The following PRPF40B variants were observed in gnomAD, a reference collection of about 807,000 sequenced individuals.
The protein encoded by PRPF40B is pre-mRNA-processing factor 40 homolog B.
PRPF40B carries 56 observed loss-of-function variants against 124.5 expected under a neutral mutation model. The ratio of observed to expected loss-of-function variants is 0.45; its 90% CI spans 0.36 to 0.56. The LOEUF (loss-of-function observed/expected upper bound fraction) is 0.56, where lower values mean the gene tolerates loss of function less well. Ranked by LOEUF, PRPF40B falls within the 20% of genes least tolerant of loss-of-function variation. PRPF40B has a pLI of 0.00. For missense variants in PRPF40B, 1,053 were observed against 1,169.5 expected (o/e 0.90, Z 1.45); for synonymous variants, 443 against 426.4 (o/e 1.04, Z -0.48).
chr12:49,635,450 T>C lies in PRPF40B; in HGVS notation c.1252T>C (p.Phe418Leu), dbSNP rs1941681230. ...DRKEVYDDVL[F>L]FLAKKEKEQA... Reference sequence around the variant, plus strand: ...AAAAGAGGTTTATGATGATGTCCTCTTCTTCCTGGCCAAGAAGGAGAAGGT... The same window carrying C: ...AAAAGAGGTTTATGATGATGTCCTCCTCTTCCTGGCCAAGAAGGAGAAGGT... Residue 418 changes from phenylalanine to leucine, a missense_variant, in exon 14 of 26, where the codon TTC (phenylalanine) becomes CTC (leucine). Transcript: ENST00000548825. The surrounding 1 kb of genome is among the most constrained non-coding windows in gnomAD (Gnocchi z 4.1). 1 of 1,613,846 alleles carries C rather than the reference T, an allele frequency of 6.2e-7. No homozygotes were observed. The highest frequency in any genetic ancestry group is 2.2e-5 in the East Asian group (1 of 44,878).
At chr12:49,627,180 C>T (rs141497067) in intron 1 of PRPF40B, among the ~76,000 whole-genome samples, 4 of 152,094 alleles carry the variant, frequency 2.6e-5, no homozygotes, top group Non-Finnish European at 4.4e-5. Flanking sequence ...GTAGGGGCCA[C>T]GGATATTATA....
At position 49,632,888 on chromosome 12, in the gene PRPF40B, C is replaced by A. The variant is rs754512379; in HGVS notation, c.348+8C>A. 1 of 1,613,708 alleles carries A rather than the reference C, an allele frequency of 6.2e-7. No individual in the cohort carries two copies. Among genetic ancestry groups the A allele is most frequent in the Non-Finnish European group, 8.5e-7 (1 of 1,180,004 alleles). The stretch of plus-strand genomic sequence containing the variant: ...GCTGGGACAGGCCCTCCGGTGAGTT[C>A]TTCCAGCTCAGGGGTCTCTGGGTAG... On this transcript the variant is annotated splice_region_variant and intron_variant, in intron 6 of 25. Coordinates refer to ENST00000548825, the MANE Select transcript of PRPF40B (RefSeq NM_001031698.3).
rs1942805728 is a variant in PRPF40B, at chr12:49,642,477, G to T, written c.2023-103G>T. 7.0e-6 allele frequency: 11 copies of T among 1,577,096 alleles called. No homozygotes were observed. In the Admixed American group the frequency reaches 1.9e-4, roughly 27 times the overall value. Reference sequence around the variant, plus strand: ...ACGTCACAGCCCTGGGCCAGCTCCAGTTCCCTTCCTTTCTCTGCCCCAGCC... The same window carrying T: ...ACGTCACAGCCCTGGGCCAGCTCCATTTCCCTTCCTTTCTCTGCCCCAGCC... On this transcript the variant is annotated intron_variant, in intron 20 of 25. Coordinates refer to ENST00000548825, the MANE Select transcript of PRPF40B (RefSeq NM_001031698.3). The surrounding 1 kb of genome is among the most constrained non-coding windows in gnomAD (Gnocchi z 5.8).
intron 1 of PRPF40B, chr12:49,624,211 A>AT (rs967823721): frequency 1.0e-6 from 1 of 966,792 alleles, no homozygotes; most frequent in Non-Finnish European, 1.2e-6. Flanking sequence ...TTTCCCATCA[A>AT]TTTTTTTAAA....
chr12:49,634,845 G>A, intron 12 of PRPF40B: 1 of 633,986 alleles, frequency 1.6e-6, no homozygotes, highest in South Asian at 2.1e-5. Flanking sequence ...AATTAATTGG[G>A]GAATGAGGGT....
In PRPF40B at chr12:49,642,516, A is replaced by G; in HGVS notation, c.2023-64A>G. 6.3e-7 allele frequency: 1 copy of G among 1,592,464 alleles called. No homozygotes were observed. Among genetic ancestry groups the G allele is most frequent in the Non-Finnish European group, 8.6e-7 (1 of 1,161,318 alleles). Reference sequence around the variant, plus strand: ...TCTGCCCCAGCCCTGCCCTGTGCTCATGGCGGTGTCCAGGCCAGGCTGAGT... The same window carrying G: ...TCTGCCCCAGCCCTGCCCTGTGCTCGTGGCGGTGTCCAGGCCAGGCTGAGT... On this transcript the variant is annotated intron_variant, in intron 20 of 25. Coordinates refer to ENST00000548825, the MANE Select transcript of PRPF40B (RefSeq NM_001031698.3). This position sits in a 1 kb window ranked among gnomAD's most constrained non-coding sequence, Gnocchi z 5.8.
In PRPF40B at chr12:49,643,858, C is replaced by T; in HGVS notation, c.2443-3C>T. On this transcript the variant is annotated splice_region_variant and splice_polypyrimidine_tract_variant and intron_variant, in intron 24 of 25. Transcript: ENST00000548825. ...TGAGGAGGTGGGCTCTGGACTCTTA[C>T]AGAATAGTCCTGAGAGTGAGACAGA... 1 of 1,614,162 alleles carries T rather than the reference C, an allele frequency of 6.2e-7. No homozygotes were observed. The highest frequency in any genetic ancestry group is 8.5e-7 in the Non-Finnish European group (1 of 1,180,004).
chr12:49,625,259 T>A (rs1272284143), intron 1 of PRPF40B, among the ~76,000 whole-genome samples: 4 of 152,258 alleles, frequency 2.6e-5, no homozygotes, highest in Admixed American at 6.5e-5. Flanking sequence ...GGCAGCTTTG[T>A]GAACTGGTTG....
At chr12:49,643,569 G>C in intron 23 of PRPF40B, 122 bp from the exon 24 acceptor site, 1 of 1,367,582 alleles carries the variant, frequency 7.3e-7, no homozygotes, top group Non-Finnish European at 9.9e-7. Flanking sequence ...AAGGAAAACT[G>C]GACTTAGACT....
At chr12:49,634,715 G>A in intron 12 of PRPF40B, 113 bp downstream of exon 12, 1 of 1,361,534 alleles carries the variant, frequency 7.3e-7, no homozygotes, top group South Asian at 1.3e-5. Flanking sequence ...TCAGGACAGT[G>A]ATAGATTGGG....
chr12:49,632,189 A>G, intron 4 of PRPF40B: 1 of 597,256 alleles, frequency 1.7e-6, no homozygotes, highest in Non-Finnish European at 3.0e-6. Context: ...ATCCTCACAG[A>G]GCCACACACT....
chr12:49,643,668 A>C, intron 23 of PRPF40B, 23 bp from the exon 24 acceptor site: 1 of 1,610,194 alleles, frequency 6.2e-7, no homozygotes, highest in Non-Finnish European at 8.5e-7. Context: ...GTTGGGACTT[A>C]GTAGGGATTT....
intron 1 of PRPF40B, among the ~76,000 whole-genome samples, chr12:49,629,716 G>C (rs990059676): frequency 1.3e-5 from 2 of 152,242 alleles, no homozygotes; most frequent in Non-Finnish European, 2.9e-5. Context: ...AAGGGGATCA[G>C]ATAGAGAAAT....
intron 18 of PRPF40B, 126 bp from the exon 19 acceptor site, chr12:49,641,782 C>A: frequency 2.7e-6 from 2 of 739,064 alleles, no homozygotes; most frequent in East Asian, 2.6e-5. Context: ...CTAATGCAGA[C>A]CACAGTCCTG....
At chr12:49,625,276 C>T (rs578198217) in intron 1 of PRPF40B, among the ~76,000 whole-genome samples, 1 of 152,376 alleles carries the variant, frequency 6.6e-6, no homozygotes, top group African/African-American at 2.4e-5. Context: ...GTTGAAAGCA[C>T]AGGCTTTGGA....
intron 15 of PRPF40B, among the ~76,000 whole-genome samples, chr12:49,636,339 A>G (rs1941802835): frequency 6.6e-6 from 1 of 152,182 alleles, no homozygotes; most frequent in Non-Finnish European, 1.5e-5. Context: ...GTCACGTTAC[A>G]ATAGACTGTT....
chr12:49,623,682 C>A, intron 1 of PRPF40B, 89 bp downstream of exon 1: 3 of 1,027,060 alleles, frequency 2.9e-6, no homozygotes, highest in Non-Finnish European at 3.5e-6. Flanking sequence ...GCGGGGAGGC[C>A]GCTGGGGATA....
chr12:49,630,601 GCC>G lies in PRPF40B; in HGVS notation c.65_66del (p.Pro22HisfsTer100). On this transcript the variant is annotated frameshift_variant, in exon 2 of 26. Coordinates refer to ENST00000548825, the MANE Select transcript of PRPF40B (RefSeq NM_001031698.3). LOFTEE classifies it high-confidence loss of function. ...CAGCGCCTGCCCCCTTCCCACCGGG[GCC>G]CCCCATGATGCCACCACCCTTCGTA... The part of the protein sequence containing the change: ...PAAPAPFPPG[P>X]PMMPPPFMPP... 2.2e-6 allele frequency: 3 copies of G among 1,349,766 alleles called. No homozygotes were observed. Among genetic ancestry groups the G allele is most frequent in the Non-Finnish European group, 3.2e-6 (3 of 941,382 alleles). The allele number at this position is 1,349,766 out of a possible 1,614,324, so 83.6% of individuals were successfully genotyped here.
chr12:49,641,658 T>G, intron 18 of PRPF40B: 1 of 483,356 alleles, frequency 2.1e-6, no homozygotes, highest in East Asian at 3.4e-5. Flanking sequence ...AAACTCAGCA[T>G]TAATCAGCAG....
Sources: gnomAD v4.1 joint callset for allele counts (sites outside exome capture counted in the v4.1 genomes callset) on GRCh38, gnomAD v4.1.1 for gene constraint, Gnocchi (gnomAD v3.1) non-coding constraint, MANE v1.5 for transcripts, NCBI Gene and HGNC (gene_info 2026-07-23, HGNC 2026-07-21) for gene names.